The following DUSP11 variants were observed in gnomAD, a reference collection of about 807,000 sequenced individuals.
The protein encoded by DUSP11 is dual specificity phosphatase 11, also known as RNA/RNP complex-1-interacting phosphatase.
A neutral mutation model predicts 41.4 loss-of-function variants in DUSP11; 27 were observed. The ratio of observed to expected loss-of-function variants is 0.65; its 90% confidence interval spans 0.48 to 0.90. The LOEUF is 0.90. DUSP11 is among the 40% of genes least tolerant of loss of function. The pLI, the probability that DUSP11 is intolerant of heterozygous loss-of-function variation, is 0.00. For synonymous variants in DUSP11, 188 were observed against 159.3 expected (o/e 1.18, Z -1.35); for missense variants, 465 against 461.1 (o/e 1.01, Z -0.08).
chr2:73,776,408 C>A (rs1672686805), intron 2 of DUSP11, among the ~76,000 whole-genome samples: 1 of 108,590 alleles, frequency 9.2e-6, no homozygotes, highest in African/African-American at 3.3e-5. Context: ...AGCGAGACAC[C>A]ATCTCAAAAA....
chr2:73,762,421 C>T (rs1450607037), exon 9 of DUSP11: 2 of 308,482 alleles, frequency 6.5e-6, no homozygotes, highest in African/African-American at 2.1e-5. Context: ...TGCTTCAGTT[C>T]TAAAATATTG....
At chr2:73,774,278 T>C (rs1226692452) in intron 3 of DUSP11, among the ~76,000 whole-genome samples, 10 of 151,988 alleles carry the variant, frequency 6.6e-5, no homozygotes, top group Admixed American at 5.9e-4. Context: ...AGTAGAAGAG[T>C]AGAGAATAGA....
intron 8 of DUSP11, among the ~76,000 whole-genome samples, chr2:73,765,573 T>TATCCATCCATCCATCC (rs747641644): frequency 1.1e-4 from 17 of 151,476 alleles, no homozygotes; most frequent in African/African-American, 3.9e-4. Flanking sequence ...CCCATCCATC[T>TATCCATCCATCCATCC]ATCCATCCAT....
intron 3 of DUSP11, 64 bp from the exon 4 acceptor site, chr2:73,773,987 T>C (rs1672633681): frequency 2.3e-6 from 3 of 1,326,472 alleles, no homozygotes; most frequent in Admixed American, 4.5e-5. Context: ...TAAAGAGTAA[T>C]TAGGGGACCC....
Position 73,779,986 on chromosome 2 carries a change from G to A in DUSP11, c.130C>T (p.Leu44Phe), listed in dbSNP as rs747924372. The A allele has an allele frequency of 8.1e-6, 13 of 1,614,120 alleles. No individual in the cohort carries two copies. The highest frequency in any genetic ancestry group is 1.0e-5 in the Non-Finnish European group (12 of 1,180,046). The change falls in exon 1 of 9, where the codon CTT (leucine) becomes TTT (phenylalanine). Residue 44 changes from leucine (L) to phenylalanine (F), a missense_variant. Transcript: ENST00000272444. Reference sequence around the variant, plus strand: ...TGCCACTGGCTCATGTGGGTCCCAAGAAGCCGCCCACCCAATGCCAAGTCG... The same window carrying A: ...TGCCACTGGCTCATGTGGGTCCCAAAAAGCCGCCCACCCAATGCCAAGTCG...
chr2:73,762,684 C>A, exon 9 of DUSP11: 1 of 1,612,456 alleles, frequency 6.2e-7, no homozygotes, highest in African/African-American at 1.3e-5. Context: ...TCCCAACAGG[C>A]TGGATAGGAG....
intron 2 of DUSP11, among the ~76,000 whole-genome samples, chr2:73,776,695 AAATG>A (rs1261479465): frequency 6.6e-6 from 1 of 152,220 alleles, no homozygotes; most frequent in Non-Finnish European, 1.5e-5. Flanking sequence ...GCCACAAAAA[AAATG>A]AGAGAAAGAA....
intron 5 of DUSP11, chr2:73,767,927 CA>C (rs1262254959): frequency 2.0e-5 from 3 of 152,062 alleles, no homozygotes; most frequent in Non-Finnish European, 4.4e-5. Context: ...TCATCCCCAA[CA>C]AAAAAAATTC....
intron 4 of DUSP11, among the ~76,000 whole-genome samples, chr2:73,771,520 G>C (rs540287828): frequency 2.6e-5 from 4 of 151,468 alleles, no homozygotes; most frequent in Non-Finnish European, 5.9e-5. Flanking sequence ...TTGAGATGGA[G>C]TCTCGCTCTG....
chr2:73,777,171 C>G lies in DUSP11; in HGVS notation c.318+1130G>C, dbSNP rs113079508. Among the ~76,000 whole-genome samples the G allele has an allele frequency of 1.9e-3, 286 of 152,060 alleles. 2 individuals are homozygous for G. Among genetic ancestry groups the G allele is most frequent in the Middle Eastern group, 0.017 (5 of 294 alleles). On this transcript the variant is annotated intron_variant, in intron 2 of 8. Transcript: ENST00000272444. ...AATTTTTGTATTTTTTGTAGAGACA[C>G]GGTTTCAGTGTTGCCCAGGCTGGTC...
intron 8 of DUSP11, 89 bp from the exon 9 acceptor site, chr2:73,762,948 TTAAATTTA>T (rs1672391353): frequency 1.8e-6 from 1 of 552,554 alleles, no homozygotes; most frequent in South Asian, 8.6e-5. Flanking sequence ...ATAAAATATT[TTAAATTTA>T]TAAATTTACA....
chr2:73,766,972 G>C (rs906552333), intron 6 of DUSP11, 69 bp from the exon 7 acceptor site: 1 of 1,432,226 alleles, frequency 7.0e-7, no homozygotes. Flanking sequence ...AGCAAATTAA[G>C]CTGAAATTCA....
chr2:73,767,026 G>T, intron 6 of DUSP11, 123 bp from the exon 7 acceptor site: 1 of 1,227,110 alleles, frequency 8.1e-7, no homozygotes, highest in South Asian at 1.3e-5. Flanking sequence ...TACATCTATA[G>T]ACTTTTGGCA....
At chr2:73,766,084 T>A (rs1354389419) in intron 8 of DUSP11, among the ~76,000 whole-genome samples, 2 of 151,778 alleles carry the variant, frequency 1.3e-5, no homozygotes, top group East Asian at 3.9e-4. Context: ...CTGAGGCGGG[T>A]AGATCACAGG....
At chr2:73,776,826 A>T (rs1159787341) in intron 2 of DUSP11, among the ~76,000 whole-genome samples, 1 of 152,238 alleles carries the variant, frequency 6.6e-6, no homozygotes, top group African/African-American at 2.4e-5. Flanking sequence ...TCAGTAAGAG[A>T]TATTAGTACT....
chr2:73,770,878 C>G (rs1210043413), intron 4 of DUSP11, among the ~76,000 whole-genome samples: 1 of 152,188 alleles, frequency 6.6e-6, no homozygotes, highest in Non-Finnish European at 1.5e-5. Context: ...TCACTCCACT[C>G]CAGCCACACT....
intron 5 of DUSP11, 48 bp downstream of exon 5, chr2:73,769,217 C>T (rs1276694098): frequency 6.6e-7 from 1 of 1,517,502 alleles, no homozygotes; most frequent in Middle Eastern, 1.7e-4. Flanking sequence ...CCATTGTAAA[C>T]AGACAAAAAC....
chr2:73,766,760 G>A (rs1672474007), intron 7 of DUSP11, 68 bp downstream of exon 7: 2 of 1,416,494 alleles, frequency 1.4e-6, no homozygotes, highest in Admixed American at 1.8e-5. Context: ...ATGAACATAT[G>A]CAACTTAAAT....
At chr2:73,765,573 T>C (rs1484907121) in intron 8 of DUSP11, among the ~76,000 whole-genome samples, 3 of 151,592 alleles carry the variant, frequency 2.0e-5, no homozygotes, top group Non-Finnish European at 1.5e-5. Context: ...CCCATCCATC[T>C]ATCCATCCAT....
Sources: gnomAD v4.1 joint callset for allele counts (sites outside exome capture counted in the v4.1 genomes callset) on GRCh38, gnomAD v4.1.1 for gene constraint, MANE v1.5 for transcripts, NCBI Gene and HGNC (gene_info 2026-07-23, HGNC 2026-07-21) for gene names.